Variants in MMS19 observed in about 807,000 individuals in gnomAD.
The protein encoded by MMS19 is MMS19 cytosolic iron-sulfur assembly component, also known as MMS19 nucleotide excision repair protein homolog.
In MMS19, 77 loss-of-function variants were observed where a neutral mutation model predicts 129.8. The ratio of observed to expected loss-of-function variants is 0.59; its 90% CI spans 0.49 to 0.72. The LOEUF is 0.72. Ranked by LOEUF, MMS19 falls within the 30% of genes least tolerant of loss-of-function variation. The pLI, the probability that MMS19 is intolerant of heterozygous loss-of-function variation, is 0.00. For synonymous variants in MMS19, 491 were observed against 502.8 expected (o/e 0.98, Z 0.31); for missense variants, 1,168 against 1,266.3 (o/e 0.92, Z 1.18).
intron 8 of MMS19, 24 bp downstream of exon 8, chr10:97,476,659 T>C (rs770531491): frequency 1.9e-6 from 3 of 1,611,032 alleles, no homozygotes; most frequent in Admixed American, 3.3e-5. Context: ...AAATATATGA[T>C]CAAACAATGA....
At chr10:97,480,915 A>C in intron 3 of MMS19, 27 bp downstream of exon 3, 69 of 1,502,874 alleles carry the variant, frequency 4.6e-5, no homozygotes, top group Non-Finnish European at 6.0e-5. Context: ...CAATCCAGGA[A>C]GACATTCCTA....
Position 97,459,476 on chromosome 10 carries a change from C to A in MMS19, c.2790G>T (p.Gln930His). The change falls in exon 28 of 31, where the codon CAG becomes CAT. Residue 930 changes from glutamine (Q) to histidine (H), a missense_variant. By Grantham distance (24) the Gln-to-His change is conservative (BLOSUM62 0). This residue lies in a region of MMS19 where 831 missense variants were observed against 910.8 expected (regional missense o/e 0.91). Coordinates refer to ENST00000438925, the MANE Select transcript of MMS19 (RefSeq NM_022362.5). ...GCTGAAGGCAGCTGAGGGTGGAGAG[C>A]TGCACCACACAGTCAGGGCAGGACA... Reference protein sequence around the residue: ...EALSCPDCVVQLSTLSCLQPL... With the variant: ...EALSCPDCVVHLSTLSCLQPL... 6.2e-7 allele frequency: 1 copy of A among 1,613,064 alleles called. No homozygotes were observed. The highest frequency in any genetic ancestry group is 8.5e-7 in the Non-Finnish European group (1 of 1,179,564).
In MMS19 at chr10:97,461,849, A is replaced by G; in HGVS notation, c.2163T>C (p.Phe721=). ...QRRLIALLMA[F]VCSLPRNVEI... ...TTACATTTCGAGGCAGGGAGCAGAC[A>G]AAGGCCATAAGCAGTGCAATCAGCC... The change falls in exon 22 of 31, where the codon TTT becomes TTC. Residue 721 remains phenylalanine, a synonymous_variant. Transcript: ENST00000438925. 6.2e-7 allele frequency: 1 copy of G among 1,609,998 alleles called. No individual in the cohort carries two copies. The highest frequency in any genetic ancestry group is 8.5e-7 in the Non-Finnish European group (1 of 1,178,230).
chr10:97,477,820 CAG>C, intron 5 of MMS19, 33 bp downstream of exon 5: 3 of 1,480,142 alleles, frequency 2.0e-6, no homozygotes, highest in Non-Finnish European at 2.8e-6. Flanking sequence ...GGGGTAGAGA[CAG>C]AGGAGAATAC....
At chr10:97,461,695 C>A (rs1453483985) in intron 22 of MMS19, 73 bp from the exon 23 acceptor site, 2 of 1,562,584 alleles carry the variant, frequency 1.3e-6, no homozygotes, top group East Asian at 4.7e-5. Context: ...ATAGTGGCAG[C>A]AGGGACCGGG....
chr10:97,498,647 G>C (rs29001243), upstream of MMS19: 400 of 486,202 alleles, frequency 8.2e-4, 1 homozygote, highest in African/African-American at 7.3e-3. Context: ...CCCGGGAGAC[G>C]GGCTGCGGGG....
chr10:97,482,706 CTGTGTGTG>C (rs369393413), intron 2 of MMS19, among the ~76,000 whole-genome samples: 22 of 131,956 alleles, frequency 1.7e-4, no homozygotes, highest in East Asian at 2.5e-4. Context: ...ATCAATAAGG[CTGTGTGTG>C]TGTGTGTGTG....
chr10:97,460,870 C>T, intron 24 of MMS19, 37 bp downstream of exon 24: 1 of 1,537,034 alleles, frequency 6.5e-7, no homozygotes, highest in Non-Finnish European at 8.8e-7. Context: ...GACATAATTG[C>T]CTCTCTGGCT....
At chr10:97,462,757 G>GTGATGCTGA in intron 19 of MMS19, 75 bp from the exon 20 acceptor site, 7 of 1,159,890 alleles carry the variant, frequency 6.0e-6, no homozygotes, top group Non-Finnish European at 9.0e-6. Flanking sequence ...GGTTCTGTCA[G>GTGATGCTGA]CATCACTGAC....
chr10:97,478,805 G>A (rs963085303), intron 3 of MMS19, among the ~76,000 whole-genome samples: 22 of 152,066 alleles, frequency 1.4e-4, no homozygotes, highest in Non-Finnish European at 3.1e-4. Flanking sequence ...TCCAATAAAA[G>A]TTTATAAAAA....
intron 1 of MMS19, among the ~76,000 whole-genome samples, chr10:97,493,976 T>C (rs893975002): frequency 2.0e-5 from 3 of 151,708 alleles, no homozygotes; most frequent in African/African-American, 7.3e-5. Flanking sequence ...GATCGCACCA[T>C]TGCACTCCAG....
At chr10:97,498,478 C>G, upstream of MMS19, 1 of 1,513,620 alleles carries the variant, frequency 6.6e-7, no homozygotes, top group Non-Finnish European at 8.8e-7. Flanking sequence ...CGGGGAAGCG[C>G]AAGGGGGCGG....
upstream of MMS19, chr10:97,498,470 G>A (rs1188183771): frequency 6.6e-6 from 10 of 1,522,216 alleles, no homozygotes; most frequent in East Asian, 2.5e-5. Context: ...CCAATCTCCG[G>A]GGAAGCGCAA....
intron 28 of MMS19, 24 bp downstream of exon 28, chr10:97,459,338 A>G: frequency 1.2e-6 from 2 of 1,610,444 alleles, no homozygotes; most frequent in South Asian, 2.2e-5. Flanking sequence ...GCTGGTGCCT[A>G]AGAGTTGCTG....
chr10:97,485,536 C>G (rs373161708), intron 1 of MMS19, among the ~76,000 whole-genome samples: 14 of 152,346 alleles, frequency 9.2e-5, no homozygotes, highest in African/African-American at 3.4e-4. Context: ...TGGTTTTGAA[C>G]TCCTGACCTC....
At chr10:97,463,163 GTTTTTT>G (rs11369236) in intron 19 of MMS19, among the ~76,000 whole-genome samples, 9 of 129,242 alleles carry the variant, frequency 7.0e-5, no homozygotes, top group Non-Finnish European at 1.5e-4. Context: ...CTGTGAAACA[GTTTTTT>G]TTTTTTTTTT....
At chr10:97,495,320 C>T (rs773474272) in intron 1 of MMS19, among the ~76,000 whole-genome samples, 82 of 152,340 alleles carry the variant, frequency 5.4e-4, no homozygotes, top group Middle Eastern at 3.4e-3. Context: ...TCCCTCCCAT[C>T]GCCTGCAGCT....
At chr10:97,467,640 G>C (rs1418100077) in intron 13 of MMS19, 57 bp from the exon 14 acceptor site, 7 of 1,511,004 alleles carry the variant, frequency 4.6e-6, no homozygotes, top group Non-Finnish European at 6.4e-6. Context: ...TTTCAATCCT[G>C]CTACTCTGGA....
Position 97,459,458 on chromosome 10 carries a change from G to A in MMS19, c.2808C>T (p.Cys936=). 6.2e-7 allele frequency: 1 copy of A among 1,612,304 alleles called. No homozygotes were observed. Among genetic ancestry groups the A allele is most frequent in the Non-Finnish European group, 8.5e-7 (1 of 1,179,246 alleles). ...DCVVQLSTLS[C]LQPLLLEAPQ... Reference sequence around the variant, plus strand: ...GTGCTTCCAGTAGAAGAGGCTGAAGGCAGCTGAGGGTGGAGAGCTGCACCA... The same window carrying A: ...GTGCTTCCAGTAGAAGAGGCTGAAGACAGCTGAGGGTGGAGAGCTGCACCA... The change falls in exon 28 of 31, where the codon TGC becomes TGT. Residue 936 remains cysteine (C), a synonymous_variant. Transcript: ENST00000438925.
Sources: allele counts gnomAD v4.1 joint callset (sites outside exome capture counted in the v4.1 genomes callset), GRCh38; gene constraint gnomAD v4.1.1; regional missense constraint gnomAD v4.1.1; transcripts MANE v1.5; gene names NCBI Gene and HGNC (gene_info 2026-07-23, HGNC 2026-07-21).